The following CDK14 variants were observed in gnomAD, a reference collection of about 807,000 sequenced individuals.
CDK14 encodes the protein cyclin-dependent kinase 14.
A neutral mutation model predicts 60.7 loss-of-function variants in CDK14; 34 were observed. That is an observed-to-expected ratio of 0.56 (90% CI 0.43 to 0.75). The LOEUF (loss-of-function observed/expected upper bound fraction) is 0.75. Ranked by LOEUF, CDK14 falls within the 30% of genes least tolerant of loss-of-function variation. CDK14 has a pLI of 0.00. For synonymous variants in CDK14, 197 were observed against 203.7 expected (o/e 0.97, Z 0.28); for missense variants, 482 against 564.1 (o/e 0.85, Z 1.47).
intron 10 of CDK14, among the ~76,000 whole-genome samples, chr7:91,044,284 T>C (rs1467724926): frequency 2.6e-5 from 4 of 152,212 alleles, no homozygotes; most frequent in African/African-American, 9.7e-5. Flanking sequence ...GATTTTCTGA[T>C]TGGCAATTGC....
intron 11 of CDK14, among the ~76,000 whole-genome samples, chr7:91,076,601 G>A (rs1184370211): frequency 7.2e-5 from 11 of 152,164 alleles, no homozygotes; most frequent in African/African-American, 2.2e-4. Context: ...CAAAGATTTC[G>A]TGACAAAAAT....
chr7:91,014,749 T>A (rs1251309407), intron 10 of CDK14, among the ~76,000 whole-genome samples: 1 of 152,190 alleles, frequency 6.6e-6, no homozygotes, highest in Non-Finnish European at 1.5e-5. Context: ...TTTGTTCGAT[T>A]TCAGATATAA....
intron 3 of CDK14, among the ~76,000 whole-genome samples, chr7:90,733,051 G>A (rs71418463): frequency 4.6e-5 from 7 of 152,014 alleles, no homozygotes; most frequent in Admixed American, 2.0e-4. Flanking sequence ...CTTTGTTCTC[G>A]TTGGTTTCAA....
intron 2 of CDK14, among the ~76,000 whole-genome samples, chr7:90,609,070 A>G (rs1799482172): frequency 6.6e-6 from 1 of 152,110 alleles, no homozygotes; most frequent in Non-Finnish European, 1.5e-5. Context: ...TTGGTCATCC[A>G]GTTTGGAGTA....
chr7:90,697,808 C>T (rs1168158361), intron 2 of CDK14, among the ~76,000 whole-genome samples: 9 of 152,030 alleles, frequency 5.9e-5, no homozygotes, highest in South Asian at 2.1e-4. Flanking sequence ...GTGGCTCACA[C>T]CTGTAATCCC....
At chr7:90,927,335 T>G (rs1401838926) in intron 8 of CDK14, among the ~76,000 whole-genome samples, 3 of 152,028 alleles carry the variant, frequency 2.0e-5, no homozygotes, top group African/African-American at 7.3e-5. Context: ...CTCTTATCAC[T>G]AAGATTCCAA....
chr7:90,735,643 C>T (rs1803066128), intron 3 of CDK14, among the ~76,000 whole-genome samples: 2 of 152,224 alleles, frequency 1.3e-5, no homozygotes, highest in South Asian at 4.1e-4. Context: ...AAACCACCTA[C>T]TCAAGCCTCA....
chr7:90,938,381 A>G (rs1584144665), intron 8 of CDK14, among the ~76,000 whole-genome samples: 2 of 152,198 alleles, frequency 1.3e-5, no homozygotes, highest in Non-Finnish European at 2.9e-5. Context: ...GTGGAATGCT[A>G]CCTTCTGAAC....
chr7:90,729,375 C>A (rs1396253797), intron 3 of CDK14, among the ~76,000 whole-genome samples: 1 of 23,212 alleles, frequency 4.3e-5, no homozygotes, highest in Non-Finnish European at 7.8e-5. Flanking sequence ...TTTTTTTCCC[C>A]ACTCATCCTA....
intron 12 of CDK14, among the ~76,000 whole-genome samples, chr7:91,099,727 T>C (rs1348306282): frequency 1.3e-5 from 2 of 152,152 alleles, no homozygotes; most frequent in African/African-American, 2.4e-5. Flanking sequence ...AGTTACCTAA[T>C]GTCTTTCAGG....
At chr7:90,963,652 G>A (rs748338884) in intron 9 of CDK14, among the ~76,000 whole-genome samples, 16 of 147,808 alleles carry the variant, frequency 1.1e-4, no homozygotes, top group African/African-American at 2.0e-4. Flanking sequence ...AATTATGTGC[G>A]TATTGAGGGA....
At chr7:90,633,967 T>C (rs1020060392) in intron 2 of CDK14, among the ~76,000 whole-genome samples, 2 of 152,198 alleles carry the variant, frequency 1.3e-5, no homozygotes, top group African/African-American at 4.8e-5. Flanking sequence ...AGATGTTTAA[T>C]TGAATACGTG....
intron 2 of CDK14, among the ~76,000 whole-genome samples, chr7:90,653,195 C>T (rs939147939): frequency 6.6e-6 from 1 of 152,050 alleles, no homozygotes; most frequent in African/African-American, 2.4e-5. Context: ...CTCCCACTCC[C>T]CCAGCCCCAC....
At chr7:90,749,454 C>T (rs55939580) in intron 4 of CDK14, among the ~76,000 whole-genome samples, 2,293 of 152,104 alleles carry the variant, frequency 0.015, 49 homozygotes, top group African/African-American at 0.051. Context: ...GCAGTTAGAG[C>T]ACCTGCTCAC....
intron 4 of CDK14, among the ~76,000 whole-genome samples, chr7:90,776,716 T>A (rs1805062657): frequency 6.6e-6 from 1 of 152,192 alleles, no homozygotes; most frequent in African/African-American, 2.4e-5. Context: ...GTACTTTGGT[T>A]CTCTTTGGAG....
intron 14 of CDK14, among the ~76,000 whole-genome samples, chr7:91,170,476 C>T (rs1451858155): frequency 1.3e-5 from 2 of 152,022 alleles, no homozygotes; most frequent in Non-Finnish European, 2.9e-5. Flanking sequence ...TTGTTATTTG[C>T]ATGGGTTACC....
At chr7:90,714,118 A>G (rs910766995) in intron 2 of CDK14, among the ~76,000 whole-genome samples, 1 of 151,992 alleles carries the variant, frequency 6.6e-6, no homozygotes, top group Non-Finnish European at 1.5e-5. Flanking sequence ...ATTATTTCTT[A>G]GTGTTATTGA....
chr7:90,629,165 A>T (rs942602589), intron 2 of CDK14, among the ~76,000 whole-genome samples: 4 of 152,188 alleles, frequency 2.6e-5, no homozygotes, highest in African/African-American at 9.7e-5. Flanking sequence ...TAATATTTTT[A>T]AATGACCTTT....
chr7:90,730,262 G>A (rs935160001), intron 3 of CDK14, among the ~76,000 whole-genome samples: 93 of 152,206 alleles, frequency 6.1e-4, no homozygotes, highest in African/African-American at 2.1e-3. Context: ...TCTTTGATGG[G>A]CATTTGGGTT....
Sources: allele counts gnomAD v4.1 joint callset (sites outside exome capture counted in the v4.1 genomes callset), GRCh38; gene constraint gnomAD v4.1.1; transcripts MANE v1.5; gene names NCBI Gene and HGNC (gene_info 2026-07-23, HGNC 2026-07-21).